Variants in CFAP77 observed in about 807,000 individuals in gnomAD.
The protein encoded by CFAP77 is cilia- and flagella-associated protein 77.
CFAP77 carries 25 observed loss-of-function variants against 31.1 expected under a neutral mutation model. The ratio of observed to expected loss-of-function variants is 0.80; its 90% CI spans 0.59 to 1.12. The LOEUF (loss-of-function observed/expected upper bound fraction) is 1.12, where lower values mean the gene tolerates loss of function less well. CFAP77 is among the 50% of genes most tolerant of loss of function. The probability of loss-of-function intolerance (pLI) is 0.00; values close to 1 mark genes in which losing one functional copy is unlikely to be tolerated. For missense variants in CFAP77, 377 were observed against 397.3 expected (o/e 0.95, Z 0.44); for synonymous variants, 151 against 159.9 (o/e 0.94, Z 0.42).
In CFAP77 at chr9:132,517,123, G is replaced by A. The variant is rs931895473; in HGVS notation, c.524+17523G>A. Among the ~76,000 whole-genome samples the A allele has an allele frequency of 2.6e-5, 4 of 152,048 alleles. No individual in the cohort carries two copies. Among genetic ancestry groups the A allele is most frequent in the African/African-American group, 7.2e-5 (3 of 41,384 alleles). Reference sequence around the variant, plus strand: ...CACTTCTGGGTGTCCCTCATGGATCGGGTGTCGATTTCGTATCGTGGAGAG... The same window carrying A: ...CACTTCTGGGTGTCCCTCATGGATCAGGTGTCGATTTCGTATCGTGGAGAG... On this transcript the variant is annotated intron_variant, in intron 3 of 5. Transcript: ENST00000393216. This position sits in a 1 kb window ranked among gnomAD's most constrained non-coding sequence, Gnocchi z 4.7.
chr9:132,516,822 ATT>A (rs1852155477), intron 3 of CFAP77, among the ~76,000 whole-genome samples: 1 of 151,988 alleles, frequency 6.6e-6, no homozygotes, highest in African/African-American at 2.4e-5. Context: ...AAAAAAATAG[ATT>A]TAGTGGTAGC....
At chr9:132,546,763 G>C (rs1852738334) in intron 5 of CFAP77, among the ~76,000 whole-genome samples, 1 of 152,244 alleles carries the variant, frequency 6.6e-6, no homozygotes, top group African/African-American at 2.4e-5. Context: ...CCTGGTGGCT[G>C]GGGCCCAGAA....
intron 3 of CFAP77, chr9:132,513,292 C>A: frequency 6.5e-7 from 1 of 1,549,406 alleles, no homozygotes; most frequent in Non-Finnish European, 8.7e-7. Context: ...AGTTCAGAAG[C>A]AACATAACTA....
chr9:132,475,327 A>G (rs1039780545), intron 1 of CFAP77, among the ~76,000 whole-genome samples: 5 of 152,196 alleles, frequency 3.3e-5, no homozygotes, highest in Admixed American at 6.5e-5. Context: ...CATCTTGGGA[A>G]ATAGACACTG....
Position 132,495,609 on chromosome 9 carries a change from A to T in CFAP77, c.196-3086A>T, listed in dbSNP as rs1460002737. ...TTGGGGTCTGGGATTTGAGATGGAA[A>T]AGAAGCGGAAGAAAAATGATCAACT... On this transcript the variant is annotated intron_variant, in intron 1 of 5. Coordinates refer to ENST00000393216, the MANE Select transcript of CFAP77 (RefSeq NM_001282957.2). The surrounding 1 kb of genome is among the most constrained non-coding windows in gnomAD (Gnocchi z 4.2). Among the ~76,000 whole-genome samples the T allele has an allele frequency of 6.6e-6, 1 of 152,178 alleles. No homozygotes were observed. The highest frequency in any genetic ancestry group is 2.4e-5 in the African/African-American group (1 of 41,440).
At chr9:132,463,972 C>T (rs545889438) in intron 1 of CFAP77, among the ~76,000 whole-genome samples, 14 of 152,278 alleles carry the variant, frequency 9.2e-5, no homozygotes, top group Middle Eastern at 6.8e-3. Flanking sequence ...TTTTAGTTCC[C>T]GGTCATGGCT....
chr9:132,525,401 T>C (rs1005961611), intron 3 of CFAP77, among the ~76,000 whole-genome samples: 1 of 152,022 alleles, frequency 6.6e-6, no homozygotes, highest in African/African-American at 2.4e-5. Flanking sequence ...CTTGATTGCA[T>C]TTAAAAAAAA....
chr9:132,513,109 TA>T, intron 3 of CFAP77: 1 of 767,698 alleles, frequency 1.3e-6, no homozygotes, highest in Non-Finnish European at 2.0e-6. Flanking sequence ...TAATGCATAA[TA>T]ATCACATCGT....
intron 1 of CFAP77, among the ~76,000 whole-genome samples, chr9:132,483,805 G>A (rs957745855): frequency 8.5e-5 from 13 of 152,260 alleles, no homozygotes; most frequent in East Asian, 5.8e-4. Context: ...TTCAAAGCAC[G>A]TGTCCTGCTG....
At chr9:132,432,533 CTT>C (rs35812976) in intron 1 of CFAP77, among the ~76,000 whole-genome samples, 2,056 of 138,832 alleles carry the variant, frequency 0.015, 30 homozygotes, top group African/African-American at 0.036. Flanking sequence ...TCCTTGGTTC[CTT>C]TTTTTTTTTT....
intron 5 of CFAP77, among the ~76,000 whole-genome samples, chr9:132,557,401 C>T (rs1284675005): frequency 1.3e-5 from 2 of 152,224 alleles, no homozygotes; most frequent in Admixed American, 6.5e-5. Context: ...GCACCGAAGT[C>T]GGTCGACTCT....
intron 1 of CFAP77, among the ~76,000 whole-genome samples, chr9:132,426,523 A>T (rs898934495): frequency 6.6e-6 from 1 of 151,232 alleles, no homozygotes; most frequent in African/African-American, 2.4e-5. Context: ...GCTGGAATAA[A>T]TTGTTCCTCT....
Position 132,462,267 on chromosome 9 carries a change from A to G in CFAP77, c.196-36428A>G, listed in dbSNP as rs538006920. On this transcript the variant is annotated intron_variant, in intron 1 of 5. Transcript: ENST00000393216. Reference sequence around the variant, plus strand: ...CTCTAGGACGTGTTTCTTGTGAGTTACTCTGGAATAATTCTAAGTACGTGC... The same window carrying G: ...CTCTAGGACGTGTTTCTTGTGAGTTGCTCTGGAATAATTCTAAGTACGTGC... 2.0e-5 allele frequency among the ~76,000 whole-genome samples: 3 copies of G among 151,110 alleles called. No individual in the cohort carries two copies. In the East Asian group the frequency reaches 5.8e-4, roughly 29 times the overall value.
chr9:132,496,183 G>A (rs966389929), intron 1 of CFAP77, among the ~76,000 whole-genome samples: 2 of 151,710 alleles, frequency 1.3e-5, no homozygotes, highest in African/African-American at 4.9e-5. Context: ...TAAAACTGCT[G>A]TAAAATATAA....
intron 3 of CFAP77, among the ~76,000 whole-genome samples, chr9:132,518,486 C>T (rs1268395080): frequency 2.0e-5 from 3 of 152,192 alleles, no homozygotes; most frequent in African/African-American, 4.8e-5. Context: ...ACGGGCAACT[C>T]GCTCCATTTC....
intron 5 of CFAP77, among the ~76,000 whole-genome samples, chr9:132,561,697 A>G (rs1374240913): frequency 2.6e-5 from 4 of 151,340 alleles, no homozygotes; most frequent in Non-Finnish European, 4.4e-5. Flanking sequence ...GTTCGCAAGC[A>G]ACAGCAAGGC....
chr9:132,479,678 C>T (rs1851413437), intron 1 of CFAP77, among the ~76,000 whole-genome samples: 1 of 152,202 alleles, frequency 6.6e-6, no homozygotes, highest in African/African-American at 2.4e-5. Flanking sequence ...TGGTTGAAAG[C>T]GTGTGGGCAG....
intron 1 of CFAP77, among the ~76,000 whole-genome samples, chr9:132,457,348 G>T (rs1472156720): frequency 2.0e-5 from 3 of 152,148 alleles, no homozygotes; most frequent in Non-Finnish European, 4.4e-5. Flanking sequence ...TCGAGATTTC[G>T]CTATTATTTT....
chr9:132,519,997 C>G (rs1852241482), intron 3 of CFAP77, among the ~76,000 whole-genome samples: 1 of 151,934 alleles, frequency 6.6e-6, no homozygotes, highest in Non-Finnish European at 1.5e-5. Context: ...GTTGAGATCT[C>G]ATTCATGAGG....
Sources: allele counts gnomAD v4.1 joint callset (sites outside exome capture counted in the v4.1 genomes callset), GRCh38; gene constraint gnomAD v4.1.1; non-coding constraint Gnocchi (gnomAD v3.1); transcripts MANE v1.5; gene names NCBI Gene and HGNC (gene_info 2026-07-23, HGNC 2026-07-21).